The following SPARC variants were observed in gnomAD, a reference collection of about 807,000 sequenced individuals.
The protein encoded by SPARC is basement-membrane protein 40.
In SPARC, 23 loss-of-function variants were observed where a neutral mutation model predicts 37.7. The observed-to-expected ratio is 0.61, with a 90% CI of 0.44 to 0.87. The LOEUF is 0.87. SPARC is among the 40% of genes least tolerant of loss of function. The pLI, the probability that SPARC is intolerant of heterozygous loss-of-function variation, is 0.00. For synonymous variants in SPARC, 155 were observed against 150.8 expected (o/e 1.03, Z -0.20); for missense variants, 312 against 389.0 (o/e 0.80, Z 1.66).
chr5:151,678,175 A>T (rs1194081978), intron 1 of SPARC, among the ~76,000 whole-genome samples: 1 of 152,220 alleles, frequency 6.6e-6, no homozygotes, highest in East Asian at 1.9e-4. Context: ...AGCTATAATG[A>T]CAGGGAAGTC....
intron 1 of SPARC, among the ~76,000 whole-genome samples, chr5:151,680,171 C>CCCATACCTTGTTGAAATACTGCAA (rs1301702982): frequency 8.0e-5 from 12 of 149,802 alleles, no homozygotes; most frequent in Admixed American, 5.3e-4. Flanking sequence ...TCTTACTTAA[C>CCCATACCTTGTTGAAATACTGCAA]CCATACCTTG....
At chr5:151,663,680 A>G in intron 9 of SPARC, 81 bp from the exon 10 acceptor site, 3 of 1,399,032 alleles carry the variant, frequency 2.1e-6, no homozygotes, top group Non-Finnish European at 3.0e-6. Flanking sequence ...GTGGACTCCC[A>G]CCCATCCCCA....
At position 151,667,512 on chromosome 5, in the gene SPARC, C is replaced by T. The variant is rs1760650764; in HGVS notation, c.540G>A (p.Glu180=). The change falls in exon 7 of 10, where the codon GAG becomes GAA. Residue 180 remains glutamate (E), a synonymous_variant. Coordinates refer to ENST00000231061, the MANE Select transcript of SPARC (RefSeq NM_003118.4). ...WLKNVLVTLY[E]RDEDNNLLTE... ...TCAGAAGGTTGTTGTCCTCATCCCT[C>T]TCATACAGGGTGACCAGGACGTTCT... The T allele has an allele frequency of 6.2e-7, 1 of 1,614,234 alleles. No individual in the cohort carries two copies. Among genetic ancestry groups the T allele is most frequent in the South Asian group, 1.1e-5 (1 of 91,090 alleles).
In SPARC at chr5:151,664,246, G is replaced by A. The variant is rs535991012; in HGVS notation, c.735-11C>T. 5 of 1,611,584 alleles carry A rather than the reference G, an allele frequency of 3.1e-6. No homozygotes were observed. The highest frequency in any genetic ancestry group is 2.2e-5 in the South Asian group (2 of 90,862). On this transcript the variant is annotated splice_polypyrimidine_tract_variant and intron_variant, in intron 8 of 9. Coordinates refer to ENST00000231061, the MANE Select transcript of SPARC (RefSeq NM_003118.4). ...GTGTGGGAGAGGTACCTGCAGGGAA[G>A]GAGGCAGGGGAGGGCCTGAGGCATG...
intron 6 of SPARC, among the ~76,000 whole-genome samples, chr5:151,669,427 C>T (rs947400427): frequency 6.6e-6 from 1 of 152,126 alleles, no homozygotes; most frequent in Non-Finnish European, 1.5e-5. Context: ...AGAAATCTTC[C>T]CTGATGTTGA....
chr5:151,673,821 A>G (rs983016229), intron 3 of SPARC, among the ~76,000 whole-genome samples: 1 of 152,166 alleles, frequency 6.6e-6, no homozygotes, highest in Non-Finnish European at 1.5e-5. Flanking sequence ...CCTTGGACAC[A>G]TGTCTCAGAA....
chr5:151,679,485 C>A (rs1261176583), intron 1 of SPARC: 1 of 152,346 alleles, frequency 6.6e-6, no homozygotes, highest in Non-Finnish European at 1.5e-5. Context: ...GGGCCTTGAA[C>A]TGGCCTGAGT....
intron 9 of SPARC, 37 bp from the exon 10 acceptor site, chr5:151,663,636 C>T (rs1760561552): frequency 6.2e-6 from 10 of 1,611,640 alleles, no homozygotes; most frequent in Non-Finnish European, 8.5e-6. Context: ...AAAAATAAGG[C>T]TGTGTCGATG....
At position 151,664,154 on chromosome 5, in the gene SPARC, G is replaced by T. The variant is rs373219701; in HGVS notation, c.816C>A (p.Thr272=). Residue 272 remains threonine, a synonymous_variant, in exon 9 of 10, where the codon ACC becomes ACA. Transcript: ENST00000231061. ...MEHCTTRFFE[T]CDLDNDKYIA... ...TGTACTTGTCATTGTCCAGGTCACA[G>T]GTCTCGAAAAAGCGGGTGGTGCAAT... 3.9e-5 allele frequency: 63 copies of T among 1,614,102 alleles called. No homozygotes were observed. Among genetic ancestry groups the T allele is most frequent in the Non-Finnish European group, 5.3e-5 (62 of 1,180,042 alleles).
chr5:151,672,245 A>C (rs1039258107), intron 4 of SPARC, among the ~76,000 whole-genome samples: 1 of 152,196 alleles, frequency 6.6e-6, no homozygotes, highest in African/African-American at 2.4e-5. Flanking sequence ...GACTCAGTAG[A>C]TGTCCCTCTG....
At chr5:151,668,610 C>T (rs772640454) in intron 6 of SPARC, among the ~76,000 whole-genome samples, 1 of 152,098 alleles carries the variant, frequency 6.6e-6, no homozygotes, top group Non-Finnish European at 1.5e-5. Context: ...CAGGGAAAGT[C>T]CCCTCTGTGA....
chr5:151,663,750 C>T (rs557337074), intron 9 of SPARC, 151 bp from the exon 10 acceptor site: 42 of 742,518 alleles, frequency 5.7e-5, no homozygotes, highest in South Asian at 4.8e-4. Flanking sequence ...GGAGGAATCT[C>T]GCTCTCTCTG....
intron 2 of SPARC, among the ~76,000 whole-genome samples, 157 bp from the exon 3 acceptor site, chr5:151,674,831 A>C (rs1001905183): frequency 6.6e-6 from 1 of 152,252 alleles, no homozygotes; most frequent in African/African-American, 2.4e-5. Flanking sequence ...GGTGAGGGAC[A>C]GAACAAAGAA....
At chr5:151,666,108 C>T (rs1046493791) in intron 8 of SPARC, among the ~76,000 whole-genome samples, 14 of 152,220 alleles carry the variant, frequency 9.2e-5, no homozygotes, top group Admixed American at 2.0e-4. Context: ...CAGATATCCA[C>T]GCCTAGTACT....
intron 7 of SPARC, 137 bp downstream of exon 7, chr5:151,667,330 A>C: frequency 1.1e-6 from 1 of 910,520 alleles, no homozygotes; most frequent in Non-Finnish European, 1.8e-6. Context: ...AGGCAGGAAG[A>C]GAAGTACGTG....
chr5:151,672,425 G>T (rs1404743780), intron 4 of SPARC, among the ~76,000 whole-genome samples: 1 of 152,096 alleles, frequency 6.6e-6, no homozygotes, highest in Non-Finnish European at 1.5e-5. Flanking sequence ...CTGGGACAAG[G>T]GTCTGCCATC....
chr5:151,675,163 C>A (rs1581526854), intron 2 of SPARC, among the ~76,000 whole-genome samples: 1 of 152,148 alleles, frequency 6.6e-6, no homozygotes, highest in Admixed American at 6.5e-5. Flanking sequence ...AACTTTGAGG[C>A]CCTTAGCTGG....
At chr5:151,686,125 G>A (rs1256523888) in intron 1 of SPARC, among the ~76,000 whole-genome samples, 1 of 151,790 alleles carries the variant, frequency 6.6e-6, no homozygotes, top group Non-Finnish European at 1.5e-5. Flanking sequence ...CTTGGTTGAC[G>A]ATATCTGATG....
intron 1 of SPARC, among the ~76,000 whole-genome samples, chr5:151,683,287 G>A (rs573778452): frequency 2.6e-5 from 4 of 152,358 alleles, no homozygotes; most frequent in South Asian, 2.1e-4. Context: ...ACAAAGCCAC[G>A]TGGGCTGGAA....
Sources: allele counts gnomAD v4.1 joint callset (sites outside exome capture counted in the v4.1 genomes callset), GRCh38; gene constraint gnomAD v4.1.1; transcripts MANE v1.5; gene names NCBI Gene and HGNC (gene_info 2026-07-23, HGNC 2026-07-21).